The following TSHZ1 variants were observed in gnomAD, a reference collection of about 807,000 sequenced individuals.
TSHZ1 encodes the protein teashirt zinc finger homeobox 1, also known as teashirt homolog 1.
In TSHZ1, 12 loss-of-function variants were observed where a neutral mutation model predicts 67.1. The ratio of observed to expected loss-of-function variants is 0.18; its 90% CI spans 0.11 to 0.29. The LOEUF is 0.29. Ranked by LOEUF, TSHZ1 falls within the 10% of genes least tolerant of loss-of-function variation. The pLI, the probability that TSHZ1 is intolerant of heterozygous loss-of-function variation, is 1.00. For synonymous variants in TSHZ1, 632 were observed against 622.4 expected (o/e 1.02, Z -0.23); for missense variants, 1,305 against 1,413.9 (o/e 0.92, Z 1.23).
intron 1 of TSHZ1, among the ~76,000 whole-genome samples, chr18:75,230,927 A>T (rs1358760072): frequency 6.6e-6 from 1 of 152,198 alleles, no homozygotes; most frequent in Non-Finnish European, 1.5e-5. Context: ...AGTGGATGGG[A>T]GGTGAACCAC....
chr18:75,217,518 G>A (rs943198664), intron 1 of TSHZ1, among the ~76,000 whole-genome samples: 1 of 152,102 alleles, frequency 6.6e-6, no homozygotes, highest in Admixed American at 6.5e-5. Flanking sequence ...GTACTTTGGA[G>A]GCATTAGAAC....
Position 75,211,795 on chromosome 18 carries a change from G to A in TSHZ1, c.-82G>A. On this transcript the variant is annotated 5_prime_UTR_variant, in exon 1 of 2. Coordinates refer to ENST00000580243, the MANE Select transcript of TSHZ1 (RefSeq NM_001308210.2). ...CCAAAGTTGGGCGCGCCGCGGAGTT[G>A]CGCCCGCGCCCGGGGCCCCGCGTCC... 2 of 950,818 alleles carry A rather than the reference G, an allele frequency of 2.1e-6. No homozygotes were observed. The highest frequency in any genetic ancestry group is 1.3e-6 in the Non-Finnish European group (1 of 792,934). 58.9% of individuals were successfully genotyped at this position (950,818 alleles called of 1,614,324 possible). A position where few individuals can be genotyped will look rare whatever the true frequency, so the allele number is the denominator to read the frequency against.
At chr18:75,279,850 C>G (rs1227327760) in intron 1 of TSHZ1, among the ~76,000 whole-genome samples, 1 of 152,240 alleles carries the variant, frequency 6.6e-6, no homozygotes, top group Non-Finnish European at 1.5e-5. Flanking sequence ...GTGGCTGTGG[C>G]TGGTAGACGT....
chr18:75,256,443 C>T (rs1210261016), intron 1 of TSHZ1, among the ~76,000 whole-genome samples: 2 of 152,188 alleles, frequency 1.3e-5, no homozygotes, highest in South Asian at 2.1e-4. Flanking sequence ...GAAGCCTAAA[C>T]TGAGTCTACT....
chr18:75,285,071 C>T (rs2023733644), intron 1 of TSHZ1: 1 of 176,196 alleles, frequency 5.7e-6, no homozygotes, highest in East Asian at 1.5e-4. Context: ...CAAATATTTG[C>T]CATATGGAAG....
At chr18:75,265,268 G>T (rs571852213) in intron 1 of TSHZ1, among the ~76,000 whole-genome samples, 4 of 152,340 alleles carry the variant, frequency 2.6e-5, no homozygotes, top group South Asian at 4.1e-4. Context: ...GGCTCGTCAT[G>T]TATGTGTGCT....
chr18:75,256,554 A>G (rs189608315), intron 1 of TSHZ1, among the ~76,000 whole-genome samples: 2 of 152,250 alleles, frequency 1.3e-5, no homozygotes, highest in African/African-American at 2.4e-5. Flanking sequence ...AGATTTCTTA[A>G]TATCTATGTG....
At chr18:75,229,821 A>C (rs938874515) in intron 1 of TSHZ1, among the ~76,000 whole-genome samples, 1 of 152,238 alleles carries the variant, frequency 6.6e-6, no homozygotes, top group Non-Finnish European at 1.5e-5. Context: ...AGAAACAAAC[A>C]AAACCCAGTG....
At chr18:75,284,587 GCTTT>G (rs1158872337) in intron 1 of TSHZ1, 1 of 152,168 alleles carries the variant, frequency 6.6e-6, no homozygotes, top group Non-Finnish European at 1.5e-5. Flanking sequence ...CCACCACTCT[GCTTT>G]CTTTTTCTAT....
chr18:75,267,099 C>T lies in TSHZ1; in HGVS notation c.41-18349C>T, dbSNP rs1490595167. Among the ~76,000 whole-genome samples the T allele has an allele frequency of 5.3e-5, 8 of 152,276 alleles. No individual in the cohort carries two copies. The South Asian group carries it at 1.2e-3, about 24-fold the overall frequency. On this transcript the variant is annotated intron_variant, in intron 1 of 1. Transcript: ENST00000580243. ...GCTTTATTTCCTTGATTTCAATGGACACAAATTGCATGGCTCTATTTTTTC... is the reference window on the plus strand; with the variant it reads ...GCTTTATTTCCTTGATTTCAATGGATACAAATTGCATGGCTCTATTTTTTC...
In TSHZ1 at chr18:75,273,951, G is replaced by A. The variant is rs182180276; in HGVS notation, c.41-11497G>A. The stretch of plus-strand genomic sequence containing the variant: ...CCTGCACACACTCACACCTGTGTGC[G>A]CACACGCGTGCACTCTCGCACACCC... On this transcript the variant is annotated intron_variant, in intron 1 of 1. Transcript: ENST00000580243. 6.6e-5 allele frequency among the ~76,000 whole-genome samples: 10 copies of A among 152,246 alleles called. No individual in the cohort carries two copies. The East Asian group carries it at 1.4e-3, about 21-fold the overall frequency.
At chr18:75,219,306 G>A (rs1229678266) in intron 1 of TSHZ1, among the ~76,000 whole-genome samples, 1 of 152,152 alleles carries the variant, frequency 6.6e-6, no homozygotes, top group Non-Finnish European at 1.5e-5. Flanking sequence ...GGTTGATAGA[G>A]GATGCCCTTA....
At chr18:75,212,253 C>T (rs548517008) in intron 1 of TSHZ1, among the ~76,000 whole-genome samples, 129 of 152,314 alleles carry the variant, frequency 8.5e-4, no homozygotes, top group Non-Finnish European at 3.1e-4. Flanking sequence ...TGCTCCTTGG[C>T]TGCCGGAGCG....
At chr18:75,223,990 T>C (rs2022883820) in intron 1 of TSHZ1, among the ~76,000 whole-genome samples, 1 of 147,176 alleles carries the variant, frequency 6.8e-6, no homozygotes, top group African/African-American at 2.5e-5. Context: ...AGAGTGCAAA[T>C]CATTCGGGGT....
rs1452458539 is a variant in TSHZ1, at chr18:75,289,681, T to A, written c.*1040T>A. On this transcript the variant is annotated 3_prime_UTR_variant, in exon 2 of 2. Transcript: ENST00000580243. ...ATATTAAATTTCTGTGTATATAATGTAAAACCACAATTTTTGAATAAAATT... is the reference window on the plus strand; with the variant it reads ...ATATTAAATTTCTGTGTATATAATGAAAAACCACAATTTTTGAATAAAATT... 6.0e-6 allele frequency: 1 copy of A among 167,112 alleles called. No individual in the cohort carries two copies. Among genetic ancestry groups the A allele is most frequent in the African/African-American group, 2.4e-5 (1 of 41,462 alleles). The allele number at this position is 167,112 out of a possible 1,614,324, so 10.4% of individuals were successfully genotyped here.
chr18:75,279,143 AG>A (rs2023654018), intron 1 of TSHZ1, among the ~76,000 whole-genome samples: 1 of 152,140 alleles, frequency 6.6e-6, no homozygotes, highest in South Asian at 2.1e-4. Context: ...GCTTGGGGTC[AG>A]GAGGGCGGGT....
At chr18:75,224,434 A>C (rs1328148407) in intron 1 of TSHZ1, among the ~76,000 whole-genome samples, 1 of 152,228 alleles carries the variant, frequency 6.6e-6, no homozygotes, top group African/African-American at 2.4e-5. Context: ...ACAGGTCATA[A>C]AGTAAAAGTA....
intron 1 of TSHZ1, among the ~76,000 whole-genome samples, chr18:75,243,706 C>A (rs1332630470): frequency 1.3e-5 from 2 of 152,184 alleles, no homozygotes; most frequent in Non-Finnish European, 2.9e-5. Context: ...GAATGACAGG[C>A]ACCATGTATT....
At position 75,224,507 on chromosome 18, in the gene TSHZ1, A is replaced by G. The variant is rs140333991; in HGVS notation, c.40+12591A>G. ...ATTCTGCACACTATCTGAATTTTTT[A>G]TGGACTAAAGAAAAATTATATTTCA... On this transcript the variant is annotated intron_variant, in intron 1 of 1. Transcript: ENST00000580243. 4.6e-5 allele frequency among the ~76,000 whole-genome samples: 7 copies of G among 152,326 alleles called. No homozygotes were observed. The East Asian group carries it at 1.2e-3, about 25-fold the overall frequency.
Sources: allele counts gnomAD v4.1 joint callset (sites outside exome capture counted in the v4.1 genomes callset), GRCh38; gene constraint gnomAD v4.1.1; transcripts MANE v1.5; gene names NCBI Gene and HGNC (gene_info 2026-07-23, HGNC 2026-07-21).